LPCAT1: variants seen among roughly 807,000 people sequenced by gnomAD.
LPCAT1 encodes the protein 1-acylglycerol-3-phosphate O-acyltransferase.
In LPCAT1, 23 loss-of-function variants were observed where a neutral mutation model predicts 60.9. The observed-to-expected ratio is 0.38, with a 90% confidence interval of 0.27 to 0.53. The LOEUF (loss-of-function observed/expected upper bound fraction) is 0.53, where lower values mean the gene tolerates loss of function less well. LPCAT1 is among the 20% of genes least tolerant of loss of function. The pLI is 0.82. For synonymous variants in LPCAT1, 340 were observed against 301.1 expected (o/e 1.13, Z -1.34); for missense variants, 622 against 723.6 (o/e 0.86, Z 1.61).
chr5:1,494,687 G>T lies in LPCAT1; in HGVS notation c.493+13C>A, dbSNP rs1735712207. ...GCAGGGTCCCTCACTCCCAGCAGGG[G>T]TGTCTCACTCACTTCCCCAGATCGG... On this transcript the variant is annotated intron_variant, in intron 3 of 13. Transcript: ENST00000283415. 6.2e-7 allele frequency: 1 copy of T among 1,611,996 alleles called. No individual in the cohort carries two copies. Among genetic ancestry groups the T allele is most frequent in the African/African-American group, 1.3e-5 (1 of 74,902 alleles).
At chr5:1,517,980 G>A (rs1448352740) in intron 1 of LPCAT1, among the ~76,000 whole-genome samples, 1 of 152,276 alleles carries the variant, frequency 6.6e-6, no homozygotes, top group Admixed American at 6.5e-5. Flanking sequence ...ACTAAAGAAA[G>A]TGGACATCAG....
At chr5:1,465,369 C>T (rs902245550) in intron 13 of LPCAT1, among the ~76,000 whole-genome samples, 2 of 143,920 alleles carry the variant, frequency 1.4e-5, no homozygotes, top group African/African-American at 2.7e-5. Flanking sequence ...CACAAGTGCA[C>T]GAACACACAC....
rs543894552 is a variant in LPCAT1, at chr5:1,466,789, G to A, written c.1380C>T (p.Phe460=). The part of the protein sequence containing the change: ...GVAELTVTDL[F]RAIDQEEKGK... ...CCTTCTCCTCTTGGTCAATGGCTCG[G>A]AATAGGTCGGTCACGGTGAGCTCTG... Residue 460 remains phenylalanine, a synonymous_variant, in exon 13 of 14, where the codon TTC becomes TTT. Coordinates refer to ENST00000283415, the MANE Select transcript of LPCAT1 (RefSeq NM_024830.5). 1.9e-6 allele frequency: 3 copies of A among 1,613,064 alleles called. No individual in the cohort carries two copies. Among genetic ancestry groups the A allele is most frequent in the Admixed American group, 1.7e-5 (1 of 59,932 alleles).
At position 1,476,160 on chromosome 5, in the gene LPCAT1, G is replaced by A. The variant is rs1327156614; in HGVS notation, c.899+1244C>T. The stretch of plus-strand genomic sequence containing the variant: ...GCCCACAGGCGATCTCTCCTTGAGC[G>A]CTGTAAAATCTGTTCTCTTCCTCCT... On this transcript the variant is annotated intron_variant, in intron 9 of 13. Coordinates refer to ENST00000283415, the MANE Select transcript of LPCAT1 (RefSeq NM_024830.5). The surrounding 1 kb of genome is among the most constrained non-coding windows in gnomAD (Gnocchi z 8.6). Among the ~76,000 whole-genome samples, 2 of 152,190 alleles carry A rather than the reference G, an allele frequency of 1.3e-5. No individual in the cohort carries two copies. Among genetic ancestry groups the A allele is most frequent in the Middle Eastern group, 6.3e-3 (2 of 316 alleles).
chr5:1,486,986 C>T (rs190776615), intron 5 of LPCAT1, among the ~76,000 whole-genome samples: 1 of 152,190 alleles, frequency 6.6e-6, no homozygotes, highest in Non-Finnish European at 1.5e-5. Flanking sequence ...TCGTGATATG[C>T]GTTGAGAGGT....
At chr5:1,503,102 G>A (rs749083459) in intron 1 of LPCAT1, among the ~76,000 whole-genome samples, 9 of 152,172 alleles carry the variant, frequency 5.9e-5, no homozygotes, top group Non-Finnish European at 1.2e-4. Flanking sequence ...CAGTGGTCAG[G>A]TCAGCCTGTT....
Position 1,463,729 on chromosome 5 carries a change from G to C in LPCAT1, c.1527C>G (p.Ile509Met), listed in dbSNP as rs1734205007. The change falls in exon 14 of 14, where the codon ATC becomes ATG. Residue 509 changes from isoleucine to methionine, a missense_variant. Ile to Met is a conservative substitution (Grantham distance 10). Coordinates refer to ENST00000283415, the MANE Select transcript of LPCAT1 (RefSeq NM_024830.5). ...TGAAATCGGCACAGAAGCCGTTTGG[G>C]ATTGGCGCAGGTGAGGTCTCTGCAC... ...ESCAETSPAP[I>M]PNGFCADFSP... The C allele has an allele frequency of 6.2e-7, 1 of 1,614,144 alleles. No individual in the cohort carries two copies. Among genetic ancestry groups the C allele is most frequent in the African/African-American group, 1.3e-5 (1 of 74,966 alleles).
rs1452600252 is a variant in LPCAT1 at position 1,487,219 on chromosome 5, A to C, written c.667+1172T>G. Among the ~76,000 whole-genome samples, 6 of 152,192 alleles carry C rather than the reference A, an allele frequency of 3.9e-5. No homozygotes were observed. Among genetic ancestry groups the C allele is most frequent in the Non-Finnish European group, 7.4e-5 (5 of 68,026 alleles). On this transcript the variant is annotated intron_variant, in intron 5 of 13. Transcript: ENST00000283415. This position sits in a 1 kb window ranked among gnomAD's most constrained non-coding sequence, Gnocchi z 6.1. Reference sequence around the variant, plus strand: ...GCCTGGGGCCTTGGAAACACGGCCCACTTTTGGCCTTCACCAAGGTTGCCC... The same window carrying C: ...GCCTGGGGCCTTGGAAACACGGCCCCCTTTTGGCCTTCACCAAGGTTGCCC...
chr5:1,467,102 ACACACAGCAGATG>A (rs1385485438), intron 12 of LPCAT1: 1 of 420,932 alleles, frequency 2.4e-6, no homozygotes, highest in African/African-American at 2.0e-5. Context: ...TGCCTCGTGG[ACACACAGCAGATG>A]CTTCTCGGGC....
At chr5:1,520,779 C>T (rs773804174) in intron 1 of LPCAT1, among the ~76,000 whole-genome samples, 1 of 143,334 alleles carries the variant, frequency 7.0e-6, no homozygotes, top group Non-Finnish European at 1.5e-5. Flanking sequence ...AGGAGAATGG[C>T]GTGAACCCGG....
At chr5:1,498,693 G>A (rs181413955) in intron 2 of LPCAT1, among the ~76,000 whole-genome samples, 27 of 151,914 alleles carry the variant, frequency 1.8e-4, no homozygotes, top group Non-Finnish European at 2.8e-4. Context: ...TGTCATACAC[G>A]TACATGTATG....
At chr5:1,463,858 G>A (rs1048226295) in intron 13 of LPCAT1, 23 bp from the exon 14 acceptor site, 3 of 1,611,600 alleles carry the variant, frequency 1.9e-6, no homozygotes, top group African/African-American at 2.7e-5. Context: ...AGGCACCTGT[G>A]GTTATGGAAT....
intron 1 of LPCAT1, among the ~76,000 whole-genome samples, chr5:1,508,212 A>C (rs1200487291): frequency 6.6e-6 from 1 of 152,040 alleles, no homozygotes; most frequent in Non-Finnish European, 1.5e-5. Context: ...AGTGCACGTG[A>C]CCCCGGCCTG....
chr5:1,517,826 C>T (rs1220896501), intron 1 of LPCAT1, among the ~76,000 whole-genome samples: 1 of 152,190 alleles, frequency 6.6e-6, no homozygotes, highest in Non-Finnish European at 1.5e-5. Context: ...TGGAAAAGGC[C>T]GCTGTTCCCA....
chr5:1,508,137 C>T (rs189304684), intron 1 of LPCAT1, among the ~76,000 whole-genome samples: 77 of 152,184 alleles, frequency 5.1e-4, no homozygotes, highest in African/African-American at 1.8e-3. Context: ...GTCTGCTGTT[C>T]GGGAGGCACC....
At position 1,517,466 on chromosome 5, in the gene LPCAT1, C is replaced by T. The variant is rs370915608; in HGVS notation, c.135+6244G>A. On this transcript the variant is annotated intron_variant, in intron 1 of 13. Coordinates refer to ENST00000283415, the MANE Select transcript of LPCAT1 (RefSeq NM_024830.5). ...ACAAGAGCGGTGAGACGGAGTGGGACAGGGAGCCACGTTCTCCGCTGCCTG... is the reference window on the plus strand; with the variant it reads ...ACAAGAGCGGTGAGACGGAGTGGGATAGGGAGCCACGTTCTCCGCTGCCTG... 1.5e-4 allele frequency among the ~76,000 whole-genome samples: 23 copies of T among 152,282 alleles called. No homozygotes were observed. The South Asian group carries it at 4.4e-3, about 29-fold the overall frequency.
chr5:1,490,971 TTTC>T (rs964416680), intron 3 of LPCAT1, among the ~76,000 whole-genome samples: 4 of 152,070 alleles, frequency 2.6e-5, no homozygotes, highest in Non-Finnish European at 1.5e-5. Context: ...CAGTTTCCAG[TTTC>T]TTTTCTTAGC....
intron 13 of LPCAT1, among the ~76,000 whole-genome samples, chr5:1,465,818 G>A (rs999866640): frequency 3.3e-5 from 5 of 150,894 alleles, no homozygotes; most frequent in East Asian, 2.0e-4. Flanking sequence ...ACGCACATGC[G>A]TGCACACACG....
chr5:1,506,429 C>T (rs1309650786), intron 1 of LPCAT1, among the ~76,000 whole-genome samples: 2 of 152,166 alleles, frequency 1.3e-5, no homozygotes, highest in Admixed American at 6.5e-5. Context: ...TTCTGCCCAC[C>T]TGTCTCCACA....
Sources: allele counts gnomAD v4.1 joint callset (sites outside exome capture counted in the v4.1 genomes callset), GRCh38; gene constraint gnomAD v4.1.1; non-coding constraint Gnocchi (gnomAD v3.1); transcripts MANE v1.5; gene names NCBI Gene and HGNC (gene_info 2026-07-23, HGNC 2026-07-21).